The following UNC5D variants were observed in gnomAD, a reference collection of about 807,000 sequenced individuals.
The protein encoded by UNC5D is netrin receptor UNC5D.
UNC5D carries 39 observed loss-of-function variants against 105.4 expected under a neutral mutation model. The ratio of observed to expected loss-of-function variants is 0.37; its 90% confidence interval spans 0.29 to 0.48. UNC5D has a LOEUF of 0.48. Ranked by LOEUF, UNC5D falls within the 20% of genes least tolerant of loss-of-function variation. The pLI, the probability that UNC5D is intolerant of heterozygous loss-of-function variation, is 0.98. For missense variants in UNC5D, 991 were observed against 1,202.4 expected, an observed-to-expected ratio of 0.82 and a Z score of 2.60; for synonymous variants, 452 against 450.4, an observed-to-expected ratio of 1.00 and a Z score of -0.04.
At chr8:35,380,047 T>A (rs1372459550) in intron 1 of UNC5D, among the ~76,000 whole-genome samples, 1 of 121,170 alleles carries the variant, frequency 8.3e-6, no homozygotes, top group Non-Finnish European at 1.6e-5. Flanking sequence ...TGAGATCTCC[T>A]CTCTTGGCTT....
chr8:35,496,878 T>A (rs1342693537), intron 1 of UNC5D, among the ~76,000 whole-genome samples: 1 of 152,154 alleles, frequency 6.6e-6, no homozygotes, highest in African/African-American at 2.4e-5. Flanking sequence ...CATGGTTTTT[T>A]TAAACAATCT....
rs117744199 is a variant in UNC5D, at chr8:35,728,953, A to G, written c.1682-2059A>G. Reference sequence around the variant, plus strand: ...CACAGGCATAAAGCTGTCCCACAGTATCTCTCATTCTTCACTATCTGTAAC... The same window carrying G: ...CACAGGCATAAAGCTGTCCCACAGTGTCTCTCATTCTTCACTATCTGTAAC... On this transcript the variant is annotated intron_variant, in intron 10 of 16. Transcript: ENST00000404895. Among the ~76,000 whole-genome samples, 394 of 152,318 alleles carry G rather than the reference A, an allele frequency of 2.6e-3. 1 individual carries two copies. The highest frequency in any genetic ancestry group is 4.2e-3 in the Non-Finnish European group (287 of 68,030).
At chr8:35,332,542 G>A (rs1810705353) in intron 1 of UNC5D, among the ~76,000 whole-genome samples, 1 of 152,192 alleles carries the variant, frequency 6.6e-6, no homozygotes, top group African/African-American at 2.4e-5. Context: ...AGTTAAATAT[G>A]TTGAGTTCTG....
chr8:35,271,471 C>G (rs1460015124), intron 1 of UNC5D, among the ~76,000 whole-genome samples: 2 of 136,112 alleles, frequency 1.5e-5, no homozygotes, highest in East Asian at 4.6e-4. Context: ...GTAGGTATAC[C>G]TATATTTATA....
chr8:35,722,583 G>A (rs1046923270), intron 9 of UNC5D, among the ~76,000 whole-genome samples, 188 bp downstream of exon 9: 2 of 152,158 alleles, frequency 1.3e-5, no homozygotes, highest in African/African-American at 4.8e-5. Flanking sequence ...TCTGCCACAG[G>A]GACAAGAGGA....
At chr8:35,622,678 C>CT (rs1056465285) in intron 4 of UNC5D, among the ~76,000 whole-genome samples, 7 of 152,074 alleles carry the variant, frequency 4.6e-5, no homozygotes, top group Non-Finnish European at 1.0e-4. Flanking sequence ...TCTAATAAGA[C>CT]TTTTTTTATG....
At chr8:35,439,087 C>G (rs1188733830) in intron 1 of UNC5D, among the ~76,000 whole-genome samples, 3 of 151,758 alleles carry the variant, frequency 2.0e-5, no homozygotes, top group Admixed American at 6.6e-5. Context: ...ATTATCTCAG[C>G]CCCTAGTTCT....
intron 1 of UNC5D, among the ~76,000 whole-genome samples, chr8:35,310,975 T>TA (rs376289730): frequency 1.4e-3 from 206 of 152,286 alleles, no homozygotes; most frequent in African/African-American, 4.8e-3. Context: ...CAGGACTAGA[T>TA]ACAGTGTCCA....
chr8:35,586,509 G>A (rs751931114), intron 3 of UNC5D, among the ~76,000 whole-genome samples: 75 of 152,124 alleles, frequency 4.9e-4, no homozygotes, highest in Non-Finnish European at 8.7e-4. Flanking sequence ...GAAGCACCAG[G>A]CCTTGACTTC....
At chr8:35,575,428 A>G (rs1270689538) in intron 3 of UNC5D, among the ~76,000 whole-genome samples, 1 of 152,158 alleles carries the variant, frequency 6.6e-6, no homozygotes, top group Non-Finnish European at 1.5e-5. Flanking sequence ...ACATTGACAG[A>G]TAAGGGCCAA....
intron 1 of UNC5D, among the ~76,000 whole-genome samples, chr8:35,428,788 C>T (rs2128973224): frequency 6.6e-6 from 1 of 152,088 alleles, no homozygotes; most frequent in East Asian, 1.9e-4. Flanking sequence ...GTAGTGACAG[C>T]TCAGATATGA....
chr8:35,404,518 A>C (rs1389457754), intron 1 of UNC5D, among the ~76,000 whole-genome samples: 3 of 152,154 alleles, frequency 2.0e-5, no homozygotes, highest in Non-Finnish European at 4.4e-5. Flanking sequence ...AGATTATTAG[A>C]AAGGGATATA....
chr8:35,325,758 G>A (rs145881224), intron 1 of UNC5D, among the ~76,000 whole-genome samples: 5 of 152,292 alleles, frequency 3.3e-5, no homozygotes, highest in Admixed American at 6.5e-5. Flanking sequence ...TCTGAGACTT[G>A]TTCTCAGGTG....
At chr8:35,786,677 G>A (rs1211288822) in intron 16 of UNC5D, among the ~76,000 whole-genome samples, 2 of 152,012 alleles carry the variant, frequency 1.3e-5, no homozygotes, top group Non-Finnish European at 2.9e-5. Flanking sequence ...TTCTCAGAGT[G>A]CCTGAGGCAG....
chr8:35,670,918 G>A (rs1824752134), intron 4 of UNC5D, among the ~76,000 whole-genome samples: 1 of 152,092 alleles, frequency 6.6e-6, no homozygotes, highest in Non-Finnish European at 1.5e-5. Context: ...TAAGTTCTTT[G>A]ATGTTCAGTT....
At chr8:35,737,869 G>A (rs985623436) in intron 11 of UNC5D, among the ~76,000 whole-genome samples, 1 of 152,168 alleles carries the variant, frequency 6.6e-6, no homozygotes, top group African/African-American at 2.4e-5. Context: ...CACTTTGGGA[G>A]GCCGAGGTGG....
chr8:35,747,438 C>CT (rs535052881), intron 11 of UNC5D, among the ~76,000 whole-genome samples: 1 of 152,066 alleles, frequency 6.6e-6, no homozygotes, highest in African/African-American at 2.4e-5. Context: ...CAACGGGTTG[C>CT]TTTTTTGGTC....
intron 1 of UNC5D, among the ~76,000 whole-genome samples, chr8:35,357,813 C>T (rs999537846): frequency 3.3e-5 from 5 of 152,134 alleles, no homozygotes. Flanking sequence ...GAAATTATCA[C>T]TGAAATTTTC....
At chr8:35,681,522 T>C (rs1825663613) in intron 4 of UNC5D, among the ~76,000 whole-genome samples, 1 of 152,206 alleles carries the variant, frequency 6.6e-6, no homozygotes, top group Admixed American at 6.5e-5. Flanking sequence ...TGGAAGATAT[T>C]GTGTCACAGG....
Sources: allele counts gnomAD v4.1 joint callset (sites outside exome capture counted in the v4.1 genomes callset), GRCh38; gene constraint gnomAD v4.1.1; transcripts MANE v1.5; gene names NCBI Gene and HGNC (gene_info 2026-07-23, HGNC 2026-07-21).